TPD52: variants seen among roughly 807,000 people sequenced by gnomAD.
TPD52 encodes tumor protein D52, also known as prostate and colon associated protein.
A neutral mutation model predicts 31.3 loss-of-function variants in TPD52; 17 were observed. The ratio of observed to expected loss-of-function variants is 0.54; its 90% CI spans 0.37 to 0.82. The LOEUF is 0.82. TPD52 is among the 40% of genes least tolerant of loss of function. The pLI is 0.00. For synonymous variants in TPD52, 83 were observed against 89.6 expected (o/e 0.93, Z 0.42); for missense variants, 212 against 240.1 (o/e 0.88, Z 0.77).
intron 1 of TPD52, among the ~76,000 whole-genome samples, chr8:80,150,748 A>C (rs529150336): frequency 3.3e-5 from 5 of 152,142 alleles, no homozygotes; most frequent in African/African-American, 1.2e-4. Flanking sequence ...GAATGGCTGT[A>C]TTTACCCAAT....
chr8:80,112,618 G>A (rs1348706911), intron 1 of TPD52, among the ~76,000 whole-genome samples: 1 of 152,198 alleles, frequency 6.6e-6, no homozygotes, highest in Non-Finnish European at 1.5e-5. Flanking sequence ...CTAGTTAACT[G>A]CTGGACTTCT....
At position 80,050,438 on chromosome 8, in the gene TPD52, T is replaced by C; in HGVS notation, c.413+7A>G. 1 of 1,606,180 alleles carries C rather than the reference T, an allele frequency of 6.2e-7. No homozygotes were observed. Among genetic ancestry groups the C allele is most frequent in the East Asian group, 2.2e-5 (1 of 44,740 alleles). ...TGGACTGCAGTGATGGTTCAAACTC[T>C]CCTTACCTAAAGGAATGTGAAAAGG... On this transcript the variant is annotated splice_region_variant and intron_variant, in intron 5 of 7. Coordinates refer to ENST00000518937, the MANE Select transcript of TPD52 (RefSeq NM_001025253.3).
chr8:80,109,534 G>C (rs2130972146), intron 1 of TPD52, among the ~76,000 whole-genome samples: 1 of 152,262 alleles, frequency 6.6e-6, no homozygotes, highest in South Asian at 2.1e-4. Flanking sequence ...AACCTCCTGA[G>C]TAGCTGGGAT....
intron 4 of TPD52, 181 bp downstream of exon 4, chr8:80,051,346 G>C: frequency 1.8e-6 from 1 of 570,760 alleles, no homozygotes. Flanking sequence ...TTTGATGTTA[G>C]AATGCTAGGC....
intron 1 of TPD52, among the ~76,000 whole-genome samples, chr8:80,147,533 C>A (rs1470343562): frequency 6.6e-6 from 1 of 152,182 alleles, no homozygotes; most frequent in Non-Finnish European, 1.5e-5. Flanking sequence ...AAAGAATGAA[C>A]AATGAAGACC....
chr8:80,111,600 T>C (rs933584442), intron 1 of TPD52, among the ~76,000 whole-genome samples: 4 of 152,256 alleles, frequency 2.6e-5, no homozygotes, highest in Non-Finnish European at 4.4e-5. Context: ...CTTGATCATA[T>C]AGAATGATGC....
intron 1 of TPD52, among the ~76,000 whole-genome samples, chr8:80,135,287 A>G (rs948540212): frequency 2.5e-4 from 38 of 152,166 alleles, no homozygotes; most frequent in African/African-American, 8.7e-4. Context: ...ATTATTTTTG[A>G]TAGAGAAAAG....
chr8:80,127,108 C>T (rs925741122), intron 1 of TPD52, among the ~76,000 whole-genome samples: 5 of 139,742 alleles, frequency 3.6e-5, no homozygotes, highest in African/African-American at 1.5e-4. Context: ...AAGATGATGT[C>T]TCAAAAAAAA....
chr8:80,167,610 G>A (rs1443526028), intron 1 of TPD52, among the ~76,000 whole-genome samples: 1 of 152,114 alleles, frequency 6.6e-6, no homozygotes, highest in Non-Finnish European at 1.5e-5. Context: ...CTTGGGAGTA[G>A]ACCCTCAAAA....
chr8:80,134,477 G>C (rs1489451865), intron 1 of TPD52, among the ~76,000 whole-genome samples: 1 of 152,186 alleles, frequency 6.6e-6, no homozygotes, highest in African/African-American at 2.4e-5. Context: ...TTACAATTAA[G>C]AAAAGCTCCA....
intron 1 of TPD52, among the ~76,000 whole-genome samples, chr8:80,105,986 T>A (rs1346666340): frequency 2.4e-4 from 37 of 152,170 alleles, no homozygotes; most frequent in Non-Finnish European, 1.5e-5. Context: ...ATAAAAGGTA[T>A]CCCTGTCTGG....
chr8:80,031,218 A>G (rs181293451), downstream of TPD52, among the ~76,000 whole-genome samples: 2 of 152,386 alleles, frequency 1.3e-5, no homozygotes, highest in East Asian at 1.9e-4. Context: ...AAGAATTTTT[A>G]TGATCACAGA....
chr8:80,059,601 C>A (rs530412103), intron 2 of TPD52, among the ~76,000 whole-genome samples: 1 of 152,290 alleles, frequency 6.6e-6, no homozygotes, highest in South Asian at 2.1e-4. Context: ...CGCCTGTAAT[C>A]CCAGCACTTT....
chr8:80,109,429 G>A (rs4740114), intron 1 of TPD52, among the ~76,000 whole-genome samples: 67,534 of 151,848 alleles, frequency 0.44, 15,509 homozygotes, highest in East Asian at 0.79. Context: ...TTTTGGAGAC[G>A]AAGTCTCAAG....
intron 1 of TPD52, among the ~76,000 whole-genome samples, chr8:80,092,723 G>A (rs913773284): frequency 2.6e-5 from 4 of 151,746 alleles, no homozygotes; most frequent in Non-Finnish European, 4.4e-5. Flanking sequence ...TGTAGATCTC[G>A]TGAAGAGAGA....
In TPD52 at chr8:80,145,107, C is replaced by G. The variant is rs867209343; in HGVS notation, c.19+26318G>C. On this transcript the variant is annotated intron_variant, in intron 1 of 7. Transcript: ENST00000518937. ...ATCTGGGAAGCACTGGTGTTAAAAA[C>G]TGGTGCAAATTTTGTTGCCACTTAG... 2.0e-5 allele frequency among the ~76,000 whole-genome samples: 3 copies of G among 152,190 alleles called. No individual in the cohort carries two copies. The South Asian group carries it at 6.2e-4, about 32-fold the overall frequency.
intron 1 of TPD52, among the ~76,000 whole-genome samples, chr8:80,107,147 G>A (rs576771460): frequency 5.3e-5 from 8 of 152,202 alleles, no homozygotes; most frequent in Admixed American, 3.3e-4. Context: ...CACCATGCCC[G>A]GCCATAAATA....
intron 1 of TPD52, among the ~76,000 whole-genome samples, chr8:80,146,741 T>C (rs4740121): frequency 0.64 from 96,786 of 152,118 alleles, 32,089 homozygotes; most frequent in African/African-American, 0.83. Flanking sequence ...CACATTTATA[T>C]GTGGGTACAC....
intron 1 of TPD52, among the ~76,000 whole-genome samples, chr8:80,142,033 G>GTCTA (rs3053834): frequency 0.51 from 77,324 of 151,828 alleles, 20,188 homozygotes; most frequent in East Asian, 0.78. Context: ...TCTTCCCTAG[G>GTCTA]TCTATCAAAA....
Sources: gnomAD v4.1 joint callset for allele counts (sites outside exome capture counted in the v4.1 genomes callset) on GRCh38, gnomAD v4.1.1 for gene constraint, MANE v1.5 for transcripts, NCBI Gene and HGNC (gene_info 2026-07-23, HGNC 2026-07-21) for gene names.